The following HESX1 variants were observed in gnomAD, a reference collection of about 807,000 sequenced individuals.
HESX1 encodes the protein HESX homeobox 1, also known as homeobox expressed in ES cells 1.
In HESX1, 11 loss-of-function variants were observed where a neutral mutation model predicts 22.5. The ratio of observed to expected loss-of-function variants is 0.49; its 90% CI spans 0.31 to 0.81. The LOEUF (loss-of-function observed/expected upper bound fraction) is 0.81, where lower values mean the gene tolerates loss of function less well. Among genes scored for constraint, HESX1 ranks in the 30% least tolerant of loss-of-function variants. The pLI is 0.05. For missense variants in HESX1, 201 were observed against 212.6 expected, an observed-to-expected ratio of 0.95 and a Z score of 0.34; for synonymous variants, 74 against 76.5, an observed-to-expected ratio of 0.97 and a Z score of 0.17.
upstream of HESX1, chr3:57,200,163 A>AG (rs2060477157): frequency 4.0e-6 from 2 of 504,948 alleles, no homozygotes; most frequent in Non-Finnish European, 3.6e-6. Flanking sequence ...TGGCTACACC[A>AG]GGGGGGCCAC....
upstream of HESX1, among the ~76,000 whole-genome samples, chr3:57,227,383 C>A (rs894513138): frequency 7.9e-5 from 12 of 152,302 alleles, no homozygotes; most frequent in African/African-American, 2.9e-4. Flanking sequence ...AACTAAAAGG[C>A]GCCAGCAGTA....
upstream of HESX1, among the ~76,000 whole-genome samples, chr3:57,204,594 T>C (rs1336284962): frequency 6.6e-6 from 1 of 152,180 alleles, no homozygotes; most frequent in African/African-American, 2.4e-5. Context: ...GCTAAGTTTA[T>C]GCATCACCAG....
chr3:57,206,043 T>C (rs1300498697), intron 1 of HESX1, among the ~76,000 whole-genome samples: 1 of 152,014 alleles, frequency 6.6e-6, no homozygotes. Flanking sequence ...ATAGGAAAAT[T>C]AGCTGGGTGT....
chr3:57,227,497 CAAGCTGAGG>C (rs1273163864), upstream of HESX1, among the ~76,000 whole-genome samples: 1 of 152,252 alleles, frequency 6.6e-6, no homozygotes, highest in East Asian at 1.9e-4. Flanking sequence ...CTCGCGCCGG[CAAGCTGAGG>C]AAGAGACGGT....
upstream of HESX1, among the ~76,000 whole-genome samples, chr3:57,201,879 C>A (rs760913544): frequency 1.2e-3 from 82 of 69,534 alleles, no homozygotes; most frequent in African/African-American, 3.9e-3. Flanking sequence ...CTATCTATAT[C>A]TATCTATCTA....
intron 1 of HESX1, among the ~76,000 whole-genome samples, chr3:57,205,490 C>G (rs539195383): frequency 1.3e-5 from 2 of 152,274 alleles, no homozygotes; most frequent in African/African-American, 4.8e-5. Context: ...GACCTGCCAG[C>G]CTTCCTTATT....
At chr3:57,225,616 C>T (rs2060637257) in intron 1 of HESX1, among the ~76,000 whole-genome samples, 1 of 152,194 alleles carries the variant, frequency 6.6e-6, no homozygotes, top group Admixed American at 6.5e-5. Context: ...GCTGGGATTA[C>T]AGGCGTGAGC....
At chr3:57,200,595 A>G (rs1559497726), upstream of HESX1, among the ~76,000 whole-genome samples, 1 of 152,238 alleles carries the variant, frequency 6.6e-6, no homozygotes, top group Non-Finnish European at 1.5e-5. Context: ...GCCTGGATTA[A>G]TTCATAGGAA....
At chr3:57,210,176 A>C (rs2060545472) in intron 1 of HESX1, among the ~76,000 whole-genome samples, 2 of 152,266 alleles carry the variant, frequency 1.3e-5, no homozygotes, top group Admixed American at 1.3e-4. Flanking sequence ...TATGAGAAAG[A>C]AAAGTCTGAC....
chr3:57,209,188 G>C (rs2060537304), intron 1 of HESX1, among the ~76,000 whole-genome samples: 1 of 152,210 alleles, frequency 6.6e-6, no homozygotes, highest in Non-Finnish European at 1.5e-5. Flanking sequence ...TAGTGCAACT[G>C]AGGAACTGAA....
chr3:57,213,868 C>G (rs775678135), intron 1 of HESX1, among the ~76,000 whole-genome samples: 3 of 152,122 alleles, frequency 2.0e-5, no homozygotes, highest in Non-Finnish European at 4.4e-5. Context: ...TTGCAGTGAG[C>G]CGAGATCGTG....
At chr3:57,219,387 A>G (rs2060601950) in intron 1 of HESX1, among the ~76,000 whole-genome samples, 1 of 148,338 alleles carries the variant, frequency 6.7e-6, no homozygotes, top group African/African-American at 2.5e-5. Flanking sequence ...TTTTTTTTTG[A>G]GACGGAGTCT....
intron 1 of HESX1, among the ~76,000 whole-genome samples, chr3:57,212,758 A>C (rs2060562740): frequency 6.6e-6 from 1 of 152,076 alleles, no homozygotes; most frequent in Non-Finnish European, 1.5e-5. Flanking sequence ...GTCTTTCAAA[A>C]TACTTTGACT....
At position 57,198,214 on chromosome 3, in the gene HESX1, T is replaced by C. The variant is rs28936704; in HGVS notation, c.541A>G (p.Thr181Ala). 1.4e-4 allele frequency: 226 copies of C among 1,607,062 alleles called. No individual in the cohort carries two copies. The highest frequency in any genetic ancestry group is 1.8e-4 in the Non-Finnish European group (214 of 1,173,946). Residue 181 changes from threonine (T) to alanine (A), a missense_variant, in exon 4 of 4, where the codon ACA (threonine) becomes GCA (alanine). Coordinates refer to ENST00000295934, the MANE Select transcript of HESX1 (RefSeq NM_003865.3). ...QFLMAKKNFN[T>A]NLLE ...TTTTCTATCTATTCCAGCAGATTTG[T>C]GTTGAAATTTTTTTTCGCCATTAGA... is the stretch of plus-strand genomic sequence containing the variant.
upstream of HESX1, among the ~76,000 whole-genome samples, chr3:57,200,635 T>A (rs1054610399): frequency 4.6e-5 from 7 of 152,212 alleles, no homozygotes; most frequent in African/African-American, 1.7e-4. Flanking sequence ...AAATAATTAA[T>A]GGGCTAATTC....
chr3:57,225,011 T>C (rs1282074628), intron 1 of HESX1, among the ~76,000 whole-genome samples: 1 of 152,204 alleles, frequency 6.6e-6, no homozygotes, highest in Non-Finnish European at 1.5e-5. Context: ...GAGTCGCCAG[T>C]AACCCCTAAG....
At chr3:57,209,253 A>C (rs1012461511) in intron 1 of HESX1, among the ~76,000 whole-genome samples, 4 of 152,232 alleles carry the variant, frequency 2.6e-5, no homozygotes, top group African/African-American at 9.6e-5. Flanking sequence ...ACACATGGCT[A>C]GCGGCTCCAA....
intron 2 of HESX1, 88 bp downstream of exon 2, chr3:57,198,665 C>T: frequency 1.6e-6 from 2 of 1,251,264 alleles, no homozygotes; most frequent in South Asian, 1.2e-5. Flanking sequence ...GGCTTCTAAA[C>T]TGAGATACCA....
upstream of HESX1, chr3:57,200,055 A>C (rs570340521): frequency 1.3e-6 from 1 of 742,546 alleles, no homozygotes; most frequent in African/African-American, 1.7e-5. Flanking sequence ...ACTAATTAAA[A>C]TCCTGTCTTA....
Sources: allele counts gnomAD v4.1 joint callset (sites outside exome capture counted in the v4.1 genomes callset), GRCh38; gene constraint gnomAD v4.1.1; transcripts MANE v1.5; gene names NCBI Gene and HGNC (gene_info 2026-07-23, HGNC 2026-07-21).